The following CSMD1 variants were observed in gnomAD, a reference collection of about 807,000 sequenced individuals.
The protein encoded by CSMD1 is CUB and Sushi multiple domains 1.
CSMD1 carries 213 observed loss-of-function variants against 417.5 expected under a neutral mutation model. The ratio of observed to expected loss-of-function variants is 0.51; its 90% CI spans 0.46 to 0.57. The LOEUF (loss-of-function observed/expected upper bound fraction) is 0.57. CSMD1 is among the 20% of genes least tolerant of loss of function. The pLI, the probability that CSMD1 is intolerant of heterozygous loss-of-function variation, is 0.00. For synonymous variants in CSMD1, 2,862 were observed against 1,736.8 expected (o/e 1.65, Z -16.11); for missense variants, 6,923 against 4,529.7 (o/e 1.53, Z -15.17).
intron 26 of CSMD1, among the ~76,000 whole-genome samples, chr8:3,271,617 C>T (rs1415336367): frequency 6.6e-6 from 1 of 152,174 alleles, no homozygotes; most frequent in Non-Finnish European, 1.5e-5. Context: ...TAATGATTGC[C>T]ATTCCAACTG....
At chr8:4,490,878 A>C (rs1328718235) in intron 2 of CSMD1, among the ~76,000 whole-genome samples, 1 of 152,212 alleles carries the variant, frequency 6.6e-6, no homozygotes, top group Non-Finnish European at 1.5e-5. Flanking sequence ...GATTTAATAC[A>C]CACAAAGCAC....
intron 5 of CSMD1, among the ~76,000 whole-genome samples, chr8:3,758,729 G>C: frequency 6.6e-6 from 1 of 152,172 alleles, no homozygotes; most frequent in East Asian, 1.9e-4. Flanking sequence ...GCTACAGACA[G>C]ATCCCCAAGC....
intron 9 of CSMD1, among the ~76,000 whole-genome samples, chr8:3,576,669 T>C (rs77496462): frequency 0.038 from 5,842 of 152,284 alleles, 303 homozygotes; most frequent in East Asian, 0.14. Context: ...AGGTGTGTCA[T>C]TGGTCTAAAG....
At chr8:4,962,469 C>A (rs1809571057) in intron 1 of CSMD1, among the ~76,000 whole-genome samples, 1 of 152,120 alleles carries the variant, frequency 6.6e-6, no homozygotes, top group African/African-American at 2.4e-5. Context: ...CCTAGGCCAT[C>A]TAAAGCTCTG....
At chr8:3,541,988 T>C (rs928968648) in intron 10 of CSMD1, among the ~76,000 whole-genome samples, 7 of 151,928 alleles carry the variant, frequency 4.6e-5, no homozygotes, top group African/African-American at 1.7e-4. Flanking sequence ...TGCTCTCCAG[T>C]CTCGGCAACA....
chr8:4,325,574 G>A (rs1473258357), intron 3 of CSMD1, among the ~76,000 whole-genome samples: 1 of 152,112 alleles, frequency 6.6e-6, no homozygotes, highest in East Asian at 1.9e-4. Flanking sequence ...AGCTTTTCCG[G>A]TGAGGTAAGA....
At position 4,415,378 on chromosome 8, in the gene CSMD1, C is replaced by T. The variant is rs752178993; in HGVS notation, c.415+4575G>A. 7.0e-4 allele frequency among the ~76,000 whole-genome samples: 106 copies of T among 152,286 alleles called. 1 individual carries two copies. The highest frequency in any genetic ancestry group is 1.2e-3 in the Non-Finnish European group (81 of 68,026). On this transcript the variant is annotated intron_variant, in intron 3 of 69. Transcript: ENST00000635120. ...GGAAGATCCTTCTGTTGTCTCTCTT[C>T]CTTGAGACCTTCTATTCCGGGTTTG...
intron 1 of CSMD1, among the ~76,000 whole-genome samples, chr8:4,646,193 C>A (rs932937917): frequency 4.6e-5 from 7 of 152,166 alleles, no homozygotes; most frequent in South Asian, 2.1e-4. Context: ...GGAGAGAATT[C>A]TCTTCCTCTA....
At chr8:4,446,935 T>TA (rs1336537553) in intron 2 of CSMD1, among the ~76,000 whole-genome samples, 7 of 136,922 alleles carry the variant, frequency 5.1e-5, no homozygotes, top group African/African-American at 2.2e-4. Context: ...CCGTGTTTAT[T>TA]TAAAAAAAAA....
intron 25 of CSMD1, among the ~76,000 whole-genome samples, chr8:3,295,275 C>A (rs561695243): frequency 6.6e-6 from 1 of 151,988 alleles, no homozygotes; most frequent in Non-Finnish European, 1.5e-5. Context: ...CAGGTGCCCA[C>A]CACCACACAT....
chr8:4,857,545 G>A (rs1407566015), intron 1 of CSMD1, among the ~76,000 whole-genome samples: 2 of 152,008 alleles, frequency 1.3e-5, no homozygotes, highest in African/African-American at 2.4e-5. Flanking sequence ...AAAGAGAGAA[G>A]AATCAAATAG....
intron 50 of CSMD1, among the ~76,000 whole-genome samples, chr8:3,051,959 C>A (rs1563282548): frequency 6.6e-6 from 1 of 152,128 alleles, no homozygotes; most frequent in South Asian, 2.1e-4. Context: ...AAACTTACCC[C>A]ACTTCACAAA....
At chr8:3,943,398 G>T (rs1255934415) in intron 5 of CSMD1, among the ~76,000 whole-genome samples, 1 of 139,682 alleles carries the variant, frequency 7.2e-6, no homozygotes, top group South Asian at 2.3e-4. Flanking sequence ...ATATTAGAAT[G>T]TCTTATAAGT....
chr8:4,975,312 A>G (rs948848500), intron 1 of CSMD1, among the ~76,000 whole-genome samples: 4 of 152,244 alleles, frequency 2.6e-5, no homozygotes, highest in Admixed American at 2.6e-4. Flanking sequence ...GAGAGACTGT[A>G]GATTATTGAG....
At chr8:4,036,467 C>G (rs879846068) in intron 3 of CSMD1, among the ~76,000 whole-genome samples, 1 of 152,104 alleles carries the variant, frequency 6.6e-6, no homozygotes, top group South Asian at 2.1e-4. Context: ...AAGAAGGTGT[C>G]TGAAAAGAAA....
intron 21 of CSMD1, among the ~76,000 whole-genome samples, chr8:3,353,237 T>C (rs1178302538): frequency 6.6e-6 from 1 of 152,224 alleles, no homozygotes; most frequent in African/African-American, 2.4e-5. Flanking sequence ...GATGGGTTAC[T>C]ATTTTACAAA....
chr8:4,851,806 T>C (rs1485235245), intron 1 of CSMD1, among the ~76,000 whole-genome samples: 4 of 152,138 alleles, frequency 2.6e-5, no homozygotes, highest in Non-Finnish European at 5.9e-5. Context: ...TTAACTTGTG[T>C]GATTAAATGT....
At chr8:3,651,486 C>A (rs1419058403) in intron 7 of CSMD1, among the ~76,000 whole-genome samples, 6 of 152,162 alleles carry the variant, frequency 3.9e-5, no homozygotes, top group African/African-American at 7.2e-5. Context: ...GAACACTCTT[C>A]CTCCACTTAT....
intron 37 of CSMD1, 104 bp downstream of exon 37, chr8:3,181,006 G>C (rs1821286779): frequency 8.0e-6 from 6 of 747,930 alleles, no homozygotes; most frequent in Non-Finnish European, 1.1e-5. Context: ...CACAGTTTTA[G>C]AAAAATAATA....
Sources: gnomAD v4.1 joint callset for allele counts (sites outside exome capture counted in the v4.1 genomes callset) on GRCh38, gnomAD v4.1.1 for gene constraint, MANE v1.5 for transcripts, NCBI Gene and HGNC (gene_info 2026-07-23, HGNC 2026-07-21) for gene names.